The following DPYD variants were observed in gnomAD, a reference collection of about 807,000 sequenced individuals.
DPYD encodes dihydropyrimidine dehydrogenase.
A neutral mutation model predicts 116.2 loss-of-function variants in DPYD; 109 were observed. The ratio of observed to expected loss-of-function variants is 0.94; its 90% CI spans 0.80 to 1.10. The LOEUF is 1.10. Among genes scored for constraint, DPYD ranks in the 50% least tolerant of loss-of-function variants. The pLI is 0.00. For missense variants in DPYD, 1,302 were observed against 1,254.5 expected (o/e 1.04, Z -0.57); for synonymous variants, 440 against 432.0 (o/e 1.02, Z -0.23).
intron 13 of DPYD, among the ~76,000 whole-genome samples, chr1:97,450,927 T>C (rs1301658693): frequency 1.3e-5 from 2 of 152,126 alleles, no homozygotes; most frequent in East Asian, 3.8e-4. Context: ...AAAGCTGTAT[T>C]AACGAAGAAG....
intron 11 of DPYD, among the ~76,000 whole-genome samples, chr1:97,569,528 T>C (rs1393326540): frequency 1.3e-5 from 2 of 151,252 alleles, no homozygotes; most frequent in Admixed American, 6.6e-5. Flanking sequence ...TGGACAATAT[T>C]TGTAAAGCAG....
At chr1:97,624,191 C>T (rs1656792838) in intron 8 of DPYD, among the ~76,000 whole-genome samples, 1 of 151,910 alleles carries the variant, frequency 6.6e-6, no homozygotes. Flanking sequence ...GTAGAGACAA[C>T]TTACAGATCA....
At chr1:97,219,553 C>G (rs1660649161) in intron 19 of DPYD, among the ~76,000 whole-genome samples, 1 of 152,216 alleles carries the variant, frequency 6.6e-6, no homozygotes, top group African/African-American at 2.4e-5. Context: ...ATTTTTGGGG[C>G]CTGTCACCCT....
chr1:97,864,150 C>G (rs1442143557), intron 2 of DPYD, among the ~76,000 whole-genome samples: 1 of 151,758 alleles, frequency 6.6e-6, no homozygotes, highest in Non-Finnish European at 1.5e-5. Context: ...AATGAGAGTC[C>G]CATGAAGCAA....
intron 18 of DPYD, among the ~76,000 whole-genome samples, chr1:97,250,948 A>G (rs1258916190): frequency 2.0e-5 from 3 of 152,216 alleles, no homozygotes; most frequent in Non-Finnish European, 4.4e-5. Context: ...AAAAATAAAA[A>G]TATATGAATA....
At chr1:97,677,556 G>A (rs940589637) in intron 8 of DPYD, among the ~76,000 whole-genome samples, 1 of 152,010 alleles carries the variant, frequency 6.6e-6, no homozygotes, top group Non-Finnish European at 1.5e-5. Flanking sequence ...GTCAAATATA[G>A]TATGCCTAAA....
At position 97,469,397 on chromosome 1, in the gene DPYD, C is replaced by CAAAAAAAAAAAAAAAA; in HGVS notation, c.1741-19190_1741-19175dup. On this transcript the variant is annotated intron_variant, in intron 13 of 22. Transcript: ENST00000370192. Reference sequence around the variant, plus strand: ...ATAGCTCTAAGGGAAGCTAAAATTGCAAAAAAAAAAAAAAAAAAAAAAAAA... The same window carrying CAAAAAAAAAAAAAAAA: ...ATAGCTCTAAGGGAAGCTAAAATTGCAAAAAAAAAAAAAAAAAAAAAAAAAAAAAAAAAAAAAAAAA... 8.5e-4 allele frequency among the ~76,000 whole-genome samples: 69 copies of CAAAAAAAAAAAAAAAA among 80,806 alleles called. 3 individuals carry two copies. The highest frequency in any genetic ancestry group is 3.1e-3 in the African/African-American group (58 of 18,474). 53.0% of individuals were successfully genotyped at this position (80,806 alleles called of 152,430 possible). A position where few individuals can be genotyped will look rare whatever the true frequency, so the allele number is the denominator to read the frequency against.
intron 8 of DPYD, among the ~76,000 whole-genome samples, chr1:97,610,362 G>T (rs373104725): frequency 6.6e-6 from 1 of 151,976 alleles, no homozygotes; most frequent in African/African-American, 2.4e-5. Flanking sequence ...TACCACAGCC[G>T]ACTCCCTTGT....
At chr1:97,082,615 G>A in intron 21 of DPYD, 145 bp from the exon 22 acceptor site, 1 of 970,590 alleles carries the variant, frequency 1.0e-6, no homozygotes, top group Non-Finnish European at 1.6e-6. Flanking sequence ...TCATAGATAA[G>A]CTTTTTATGA....
intron 8 of DPYD, among the ~76,000 whole-genome samples, chr1:97,649,402 C>A (rs1054878339): frequency 2.6e-5 from 4 of 152,084 alleles, no homozygotes; most frequent in East Asian, 1.9e-4. Flanking sequence ...TGTAGAAATT[C>A]TTTTTATAAA....
chr1:97,471,435 G>A (rs1027105406), intron 13 of DPYD, among the ~76,000 whole-genome samples: 2 of 152,070 alleles, frequency 1.3e-5, no homozygotes, highest in African/African-American at 4.8e-5. Flanking sequence ...ATGTAACTTG[G>A]GGTCTAAAAC....
chr1:97,742,446 T>C (rs1353922907), intron 3 of DPYD, among the ~76,000 whole-genome samples: 2 of 152,146 alleles, frequency 1.3e-5, no homozygotes, highest in Non-Finnish European at 2.9e-5. Context: ...TCATAATCAA[T>C]TGTCCTCTCT....
At chr1:97,516,337 A>G (rs1332063338) in intron 12 of DPYD, among the ~76,000 whole-genome samples, 7 of 151,982 alleles carry the variant, frequency 4.6e-5, no homozygotes, top group Non-Finnish European at 1.0e-4. Flanking sequence ...CCTAAATTCA[A>G]TTTCCAGTAA....
intron 20 of DPYD, among the ~76,000 whole-genome samples, chr1:97,185,742 T>C (rs1414543580): frequency 6.6e-6 from 1 of 152,190 alleles, no homozygotes; most frequent in Non-Finnish European, 1.5e-5. Flanking sequence ...ATTCCATTTA[T>C]GTGAATGCTA....
intron 20 of DPYD, among the ~76,000 whole-genome samples, chr1:97,192,298 T>C (rs1236708350): frequency 6.6e-6 from 1 of 152,186 alleles, no homozygotes; most frequent in Non-Finnish European, 1.5e-5. Flanking sequence ...TTAAGATTCA[T>C]TTGAATTATT....
intron 3 of DPYD, among the ~76,000 whole-genome samples, chr1:97,756,819 T>G (rs758118178): frequency 6.6e-6 from 1 of 152,152 alleles, no homozygotes; most frequent in Admixed American, 6.6e-5. Flanking sequence ...TATTTTCAGT[T>G]AAATATGCTA....
chr1:97,598,608 G>A (rs2102269905), intron 8 of DPYD, among the ~76,000 whole-genome samples: 1 of 151,526 alleles, frequency 6.6e-6, no homozygotes, highest in South Asian at 2.1e-4. Flanking sequence ...AAGAAGGGAG[G>A]GAGGGAGGGA....
intron 2 of DPYD, among the ~76,000 whole-genome samples, chr1:97,849,619 C>G (rs142080293): frequency 6.6e-6 from 1 of 151,892 alleles, no homozygotes; most frequent in Non-Finnish European, 1.5e-5. Context: ...GGCACCAGAA[C>G]CAGCACACTC....
rs11445699 is a variant in DPYD, at chr1:97,811,894, T to TAA, written c.233+16218_233+16219dup. Among the ~76,000 whole-genome samples the TAA allele has an allele frequency of 8.8e-3, 1,341 of 151,992 alleles. 10 individuals are homozygous for TAA. The highest frequency in any genetic ancestry group is 0.021 in the Middle Eastern group (6 of 292). On this transcript the variant is annotated intron_variant, in intron 3 of 22. Coordinates refer to ENST00000370192, the MANE Select transcript of DPYD (RefSeq NM_000110.4). ...CATTAAATAAATTAATTTAAAACTA[T>TAA]AAAAAAGTGATACATACACATTTGA...
Sources: gnomAD v4.1 joint callset for allele counts (sites outside exome capture counted in the v4.1 genomes callset) on GRCh38, gnomAD v4.1.1 for gene constraint, MANE v1.5 for transcripts, NCBI Gene and HGNC (gene_info 2026-07-23, HGNC 2026-07-21) for gene names.